UGT1A10: variants seen among roughly 807,000 people sequenced by gnomAD.
UGT1A10 encodes the protein UDP glucuronosyltransferase family 1 member A10.
UGT1A10 carries 49 observed loss-of-function variants against 45.8 expected under a neutral mutation model. That is an observed-to-expected ratio of 1.07 (90% CI 0.85 to 1.36). The LOEUF is 1.36. Among genes scored for constraint, UGT1A10 ranks in the 40% most tolerant of loss-of-function variants. UGT1A10 has a pLI of 0.00. For synonymous variants in UGT1A10, 284 were observed against 249.7 expected (o/e 1.14, Z -1.29); for missense variants, 745 against 668.6 (o/e 1.11, Z -1.26).
At chr2:233,657,033 C>T (rs1362822606) in intron 1 of UGT1A10, among the ~76,000 whole-genome samples, 2 of 151,928 alleles carry the variant, frequency 1.3e-5, no homozygotes, top group Admixed American at 1.3e-4. Context: ...TCCCTGGTGT[C>T]AGTTACTGCT....
intron 1 of UGT1A10, among the ~76,000 whole-genome samples, chr2:233,762,012 G>T (rs1697937713): frequency 6.6e-6 from 1 of 152,134 alleles, no homozygotes; most frequent in Non-Finnish European, 1.5e-5. Context: ...CCTCCAATGT[G>T]ATTTGTATTT....
At chr2:233,711,289 G>A (rs1304407037) in intron 1 of UGT1A10, among the ~76,000 whole-genome samples, 1 of 152,208 alleles carries the variant, frequency 6.6e-6, no homozygotes, top group Admixed American at 6.5e-5. Flanking sequence ...CTAGACGTGG[G>A]AGTAGAAATT....
chr2:233,716,176 C>T (rs1228231664), intron 1 of UGT1A10, among the ~76,000 whole-genome samples: 1 of 152,126 alleles, frequency 6.6e-6, no homozygotes, highest in Non-Finnish European at 1.5e-5. Flanking sequence ...GCAGCATCTT[C>T]AAGTCTCTAA....
In UGT1A10 at chr2:233,739,254, G is replaced by T. The variant is rs1485037127; in HGVS notation, c.856-27780G>T. Among the ~76,000 whole-genome samples, 4 of 152,216 alleles carry T rather than the reference G, an allele frequency of 2.6e-5. No homozygotes were observed. In the East Asian group the frequency reaches 7.7e-4, roughly 29 times the overall value. ...ACCTCTGCTAGAGAAGGGTGGTAAA[G>T]AAATGTGAGGTTGGAGCCCCCACAC... On this transcript the variant is annotated intron_variant, in intron 1 of 4. Transcript: ENST00000344644.
chr2:233,753,072 ACTC>A (rs1477069056), intron 1 of UGT1A10: 1 of 151,486 alleles, frequency 6.6e-6, no homozygotes, highest in Non-Finnish European at 1.5e-5. Context: ...CCACCTCAAA[ACTC>A]CTTTTATTCC....
chr2:233,690,850 T>C, intron 1 of UGT1A10: 2 of 1,067,618 alleles, frequency 1.9e-6, no homozygotes, highest in Non-Finnish European at 2.3e-6. Flanking sequence ...TGTTTTCTAA[T>C]ACCTTCTTAA....
At chr2:233,727,382 C>T (rs1283832828) in intron 1 of UGT1A10, among the ~76,000 whole-genome samples, 4 of 152,134 alleles carry the variant, frequency 2.6e-5, no homozygotes, top group African/African-American at 7.2e-5. Context: ...TCTGGAGTAC[C>T]ACCGTCTTCC....
chr2:233,762,253 C>T (rs1056806461), intron 1 of UGT1A10, among the ~76,000 whole-genome samples: 3 of 152,100 alleles, frequency 2.0e-5, no homozygotes, highest in African/African-American at 7.2e-5. Context: ...AGGCACCCAC[C>T]GAATATGTGT....
chr2:233,713,312 G>T (rs1406114434), intron 1 of UGT1A10: 8 of 1,614,228 alleles, frequency 5.0e-6, no homozygotes, highest in Non-Finnish European at 6.8e-6. Flanking sequence ...AACATCTTCT[G>T]ATGAAATTTT....
intron 1 of UGT1A10, among the ~76,000 whole-genome samples, chr2:233,655,745 A>G: frequency 6.6e-6 from 1 of 152,104 alleles, no homozygotes; most frequent in Non-Finnish European, 1.5e-5. Context: ...CTGTCCCTGG[A>G]GGTTCACAGA....
chr2:233,687,293 G>A (rs539296326), intron 1 of UGT1A10, among the ~76,000 whole-genome samples: 2 of 152,144 alleles, frequency 1.3e-5, no homozygotes, highest in Non-Finnish European at 2.9e-5. Flanking sequence ...ACAACATGGT[G>A]AGATATCAAT....
chr2:233,748,079 G>A (rs1693856284), intron 1 of UGT1A10: 2 of 1,613,192 alleles, frequency 1.2e-6, no homozygotes, highest in Middle Eastern at 3.4e-4. Flanking sequence ...CACTATCTCA[G>A]GTCGGTGTTC....
intron 1 of UGT1A10, among the ~76,000 whole-genome samples, chr2:233,704,025 G>T (rs2075764465): frequency 6.6e-6 from 1 of 151,894 alleles, no homozygotes; most frequent in Non-Finnish European, 1.5e-5. Flanking sequence ...CGAGCAGCTG[G>T]AACTACAGGT....
chr2:233,641,664 C>T (rs1384789575), intron 1 of UGT1A10, among the ~76,000 whole-genome samples: 2 of 152,172 alleles, frequency 1.3e-5, no homozygotes, highest in African/African-American at 4.8e-5. Flanking sequence ...GATTGAAGTA[C>T]TCCCTGTAGC....
intron 1 of UGT1A10, among the ~76,000 whole-genome samples, chr2:233,642,192 G>A (rs1345064707): frequency 6.6e-6 from 1 of 152,018 alleles, no homozygotes; most frequent in Non-Finnish European, 1.5e-5. Context: ...ATGCTTCATT[G>A]TTGTTTATTC....
At chr2:233,766,896 A>G (rs1384164988) in intron 1 of UGT1A10, 138 bp from the exon 2 acceptor site, 7 of 1,480,032 alleles carry the variant, frequency 4.7e-6, no homozygotes, top group Non-Finnish European at 6.2e-6. Context: ...TTACATATTA[A>G]TAATTTTTTA....
At chr2:233,712,956 G>T (rs1351747451) in intron 1 of UGT1A10, 1 of 1,612,860 alleles carries the variant, frequency 6.2e-7, no homozygotes, top group Non-Finnish European at 8.5e-7. Flanking sequence ...GGCACAACGT[G>T]GGGTGGACAG....
At chr2:233,645,601 C>T (rs2073579406) in intron 1 of UGT1A10, among the ~76,000 whole-genome samples, 1 of 152,208 alleles carries the variant, frequency 6.6e-6, no homozygotes, top group South Asian at 2.1e-4. Flanking sequence ...GCTACAGGCC[C>T]CATGCATGTC....
At chr2:233,656,983 C>T (rs550666553) in intron 1 of UGT1A10, among the ~76,000 whole-genome samples, 122 of 152,056 alleles carry the variant, frequency 8.0e-4, no homozygotes, top group African/African-American at 2.8e-3. Context: ...GTGGAGCCTC[C>T]GCCTGCGTTA....
Sources: gnomAD v4.1 joint callset for allele counts (sites outside exome capture counted in the v4.1 genomes callset) on GRCh38, gnomAD v4.1.1 for gene constraint, MANE v1.5 for transcripts, NCBI Gene and HGNC (gene_info 2026-07-23, HGNC 2026-07-21) for gene names.